Variants in ZBTB34 observed in about 807,000 individuals in gnomAD.
The protein encoded by ZBTB34 is zinc finger and BTB domain-containing protein 34.
Under a neutral mutation model 33.4 loss-of-function variants are expected in ZBTB34, and 1 was observed. The ratio of observed to expected loss-of-function variants is 0.03; its 90% confidence interval spans 0.01 to 0.14. The LOEUF (loss-of-function observed/expected upper bound fraction) is 0.14, where lower values mean the gene tolerates loss of function less well. Ranked by LOEUF, ZBTB34 falls within the 10% of genes least tolerant of loss-of-function variation. The probability of loss-of-function intolerance (pLI) is 1.00; values close to 1 mark genes in which losing one functional copy is unlikely to be tolerated. For missense variants in ZBTB34, 406 were observed against 657.2 expected (o/e 0.62, Z 4.18); for synonymous variants, 283 against 253.5 (o/e 1.12, Z -1.11).
At chr9:126,881,014 T>G in exon 2 of ZBTB34, 18 of 1,322,738 alleles carry the variant, frequency 1.4e-5, no homozygotes, top group African/African-American at 3.0e-5. Context: ...TGGAAATCTC[T>G]TGGTCTCTTG....
At chr9:126,860,834 C>G (rs932015122) in intron 1 of ZBTB34, 95 bp downstream of exon 1, 4 of 146,776 alleles carry the variant, frequency 2.7e-5, no homozygotes, top group Admixed American at 6.8e-5. Context: ...GGGCCGCTGT[C>G]CGGCTCCCTC....
intron 1 of ZBTB34, among the ~76,000 whole-genome samples, chr9:126,875,254 A>G (rs909532102): frequency 3.9e-5 from 6 of 152,108 alleles, no homozygotes; most frequent in African/African-American, 1.5e-4. Context: ...ATAAAATATT[A>G]CTACAATTTA....
At position 126,880,018 on chromosome 9, in the gene ZBTB34, G is replaced by A; in HGVS notation, c.619G>A (p.Gly207Arg). 1.9e-6 allele frequency: 3 copies of A among 1,613,640 alleles called. No individual in the cohort carries two copies. The highest frequency in any genetic ancestry group is 2.5e-6 in the Non-Finnish European group (3 of 1,179,894). Residue 207 changes from glycine (G) to arginine (R), a missense_variant, in exon 2 of 2, where the codon GGG becomes AGG. Transcript: ENST00000319119. The surrounding 1 kb of genome is among the most constrained non-coding windows in gnomAD (Gnocchi z 6.7). Reference sequence around the variant, plus strand: ...ACAGGAGGAGGGGCACTCAGACCGCGGGAGCAGTGGGAGCGTTTCTGAATA... The same window carrying A: ...ACAGGAGGAGGGGCACTCAGACCGCAGGAGCAGTGGGAGCGTTTCTGAATA...
intron 1 of ZBTB34, among the ~76,000 whole-genome samples, chr9:126,875,747 A>G (rs754255247): frequency 6.6e-6 from 1 of 152,120 alleles, no homozygotes; most frequent in Non-Finnish European, 1.5e-5. Context: ...ATCTGCATGT[A>G]ATAGTAATTT....
At chr9:126,883,152 A>G (rs182824146) in exon 2 of ZBTB34, 2 of 166,352 alleles carry the variant, frequency 1.2e-5, no homozygotes, top group East Asian at 3.9e-4. Context: ...GTTTCAGGTA[A>G]ATGTTTGTGG....
At chr9:126,871,248 T>A (rs1489742913) in intron 1 of ZBTB34, among the ~76,000 whole-genome samples, 1 of 152,024 alleles carries the variant, frequency 6.6e-6, no homozygotes, top group Non-Finnish European at 1.5e-5. Context: ...TTGTAATGGC[T>A]TTCTTAGTAT....
At chr9:126,874,739 TTGTACGTG>T (rs1458411280) in intron 1 of ZBTB34, among the ~76,000 whole-genome samples, 1 of 152,116 alleles carries the variant, frequency 6.6e-6, no homozygotes, top group Admixed American at 6.6e-5. Flanking sequence ...CCCCAACCCT[TTGTACGTG>T]TGATTCCTTC....
intron 1 of ZBTB34, among the ~76,000 whole-genome samples, chr9:126,871,497 GA>G (rs1347286666): frequency 5.3e-5 from 8 of 151,648 alleles, no homozygotes; most frequent in African/African-American, 1.9e-4. Flanking sequence ...CGAGTAGCTG[GA>G]ATTACAGGCG....
At chr9:126,872,452 A>G (rs2033293353) in intron 1 of ZBTB34, among the ~76,000 whole-genome samples, 2 of 152,282 alleles carry the variant, frequency 1.3e-5, no homozygotes, top group Middle Eastern at 3.4e-3. Flanking sequence ...ACTTAGGTGT[A>G]GGCCCACTGA....
rs375804188 is a variant in ZBTB34, at chr9:126,883,163, GT to G, written c.*2258del. 5.8e-3 allele frequency: 955 copies of G among 165,230 alleles called. 37 individuals are homozygous for G. The East Asian group carries it at 0.1, about 18-fold the overall frequency. 10.2% of individuals were successfully genotyped at this position (165,230 alleles called of 1,614,324 possible). A position where few individuals can be genotyped will look rare whatever the true frequency, so the allele number is the denominator to read the frequency against. On this transcript the variant is annotated 3_prime_UTR_variant, in exon 2 of 2. Coordinates refer to ENST00000319119, the Ensembl canonical transcript of ZBTB34. ...TGGGGTTTCAGGTAAATGTTTGTGG[GT>G]TTTTTTTTCCTTACATGAATAAGTT...
rs1397424554 is a variant in ZBTB34 at position 126,880,320 on chromosome 9, T to G, written c.921T>G (p.Ser307Arg). Residue 307 changes from serine (S) to arginine (R), a missense_variant, in exon 2 of 2, where the codon AGT becomes AGG. Ser to Arg is a moderately radical substitution (Grantham distance 110). This residue lies in a region of ZBTB34 where 123 missense variants were observed against 140.4 expected (regional missense o/e 0.88). Transcript: ENST00000319119. The surrounding 1 kb of genome is among the most constrained non-coding windows in gnomAD (Gnocchi z 6.7). The stretch of plus-strand genomic sequence containing the variant: ...TATCAGAAGCTTTTGGAAGTTTGAG[T>G]AATTCCAGCCCATCCAGGTCCATGC... The G allele has an allele frequency of 6.2e-7, 1 of 1,613,810 alleles. No individual in the cohort carries two copies. Among genetic ancestry groups the G allele is most frequent in the Non-Finnish European group, 8.5e-7 (1 of 1,179,892 alleles).
chr9:126,873,474 G>A (rs764775940), intron 1 of ZBTB34, among the ~76,000 whole-genome samples: 9 of 152,070 alleles, frequency 5.9e-5, no homozygotes. Context: ...ACGTTGGCCA[G>A]GCTGGTCTCG....
At chr9:126,876,241 T>C (rs72762585) in intron 1 of ZBTB34, among the ~76,000 whole-genome samples, 2,224 of 14,190 alleles carry the variant, frequency 0.16, 204 homozygotes, top group Middle Eastern at 0.32. Context: ...CTTCCTTCTT[T>C]TCCCTGTTAA....
At chr9:126,878,785 G>A (rs1316909852) in intron 1 of ZBTB34, among the ~76,000 whole-genome samples, 2 of 149,762 alleles carry the variant, frequency 1.3e-5, no homozygotes, top group Non-Finnish European at 3.0e-5. Context: ...ATGCAGTGGT[G>A]TGCTCTCGGC....
exon 2 of ZBTB34, chr9:126,882,595 T>A (rs955404980): frequency 1.2e-5 from 2 of 167,110 alleles, no homozygotes; most frequent in African/African-American, 4.8e-5. Flanking sequence ...GATGTCAGCG[T>A]TCTGGTATCT....
At chr9:126,877,337 G>A (rs1171766769) in intron 1 of ZBTB34, among the ~76,000 whole-genome samples, 3 of 152,002 alleles carry the variant, frequency 2.0e-5, no homozygotes, top group African/African-American at 4.8e-5. Context: ...CTCTTTTTTG[G>A]AGATACATTC....
At chr9:126,877,051 G>A (rs2033372469) in intron 1 of ZBTB34, among the ~76,000 whole-genome samples, 1 of 151,938 alleles carries the variant, frequency 6.6e-6, no homozygotes, top group South Asian at 2.1e-4. Context: ...ACTGTCTTTG[G>A]GCATCATTTG....
chr9:126,868,919 A>G (rs1430700428), intron 1 of ZBTB34, among the ~76,000 whole-genome samples: 1 of 152,080 alleles, frequency 6.6e-6, no homozygotes, highest in Non-Finnish European at 1.5e-5. Flanking sequence ...CTGAGGAGGA[A>G]AGGGGGATCA....
intron 1 of ZBTB34, among the ~76,000 whole-genome samples, chr9:126,861,179 G>A (rs1361827870): frequency 6.6e-6 from 1 of 152,182 alleles, no homozygotes; most frequent in Non-Finnish European, 1.5e-5. Flanking sequence ...CGGGCCAGGG[G>A]TCGGCCCTTC....
Sources: gnomAD v4.1 joint callset for allele counts (sites outside exome capture counted in the v4.1 genomes callset) on GRCh38, gnomAD v4.1.1 for gene constraint, gnomAD v4.1.1 regional missense constraint, Gnocchi (gnomAD v3.1) non-coding constraint, MANE v1.5 for transcripts, NCBI Gene and HGNC (gene_info 2026-07-23, HGNC 2026-07-21) for gene names.